The following RANBP2 variants were observed in gnomAD, a reference collection of about 807,000 sequenced individuals.
The protein encoded by RANBP2 is RAN binding protein 2.
In RANBP2, 57 loss-of-function variants were observed where a neutral mutation model predicts 303.6. The observed-to-expected ratio is 0.19, with a 90% CI of 0.15 to 0.23. RANBP2 has a LOEUF of 0.23. Among genes scored for constraint, RANBP2 ranks in the 10% least tolerant of loss-of-function variants. The probability of loss-of-function intolerance (pLI) is 1.00; values close to 1 mark genes in which losing one functional copy is unlikely to be tolerated. For missense variants in RANBP2, 3,138 were observed against 3,780.8 expected (o/e 0.83, Z 4.46); for synonymous variants, 1,167 against 1,301.5 (o/e 0.90, Z 2.23).
At chr2:109,585,093 A>C in the RANBP2 span, 7 of 1,411,312 alleles carry the variant, frequency 5.0e-6, no homozygotes, top group Non-Finnish European at 6.7e-6. Flanking sequence ...GAAATAAGAA[A>C]AACTTGTTTT....
At chr2:109,245,177 T>G in the RANBP2 span, among the ~76,000 whole-genome samples, 1 of 152,178 alleles carries the variant, frequency 6.6e-6, no homozygotes, top group Non-Finnish European at 1.5e-5. Context: ...GTTCTTGCCA[T>G]GTGGCTTCTG....
chr2:109,426,727 G>A, the RANBP2 span, among the ~76,000 whole-genome samples: 1 of 152,156 alleles, frequency 6.6e-6, no homozygotes, highest in Non-Finnish European at 1.5e-5. Flanking sequence ...TCTACTGTGG[G>A]TAAAATGCTG....
At chr2:109,452,945 C>A in the RANBP2 span, among the ~76,000 whole-genome samples, 1 of 149,040 alleles carries the variant, frequency 6.7e-6, no homozygotes, top group Non-Finnish European at 1.5e-5. Flanking sequence ...AGGCTGGTGC[C>A]GGGAGGCTGG....
chr2:109,615,807 C>G, the RANBP2 span: 1 of 1,614,062 alleles, frequency 6.2e-7, no homozygotes, highest in Admixed American at 1.7e-5. Flanking sequence ...GGACCATCAC[C>G]ACCATCACCA....
the RANBP2 span, among the ~76,000 whole-genome samples, chr2:108,849,352 A>G: frequency 6.6e-6 from 1 of 152,204 alleles, no homozygotes; most frequent in South Asian, 2.1e-4. Flanking sequence ...CACAAATCCA[A>G]GGAGCATGTC....
At chr2:109,652,664 A>G in the RANBP2 span, among the ~76,000 whole-genome samples, 1 of 152,274 alleles carries the variant, frequency 6.6e-6, no homozygotes, top group Non-Finnish European at 1.5e-5. Flanking sequence ...CACCCAGTTC[A>G]TGGAGGCAAC....
chr2:109,412,502 G>A, the RANBP2 span, among the ~76,000 whole-genome samples: 1 of 152,210 alleles, frequency 6.6e-6, no homozygotes, highest in South Asian at 2.1e-4. Context: ...ATCATCTTAG[G>A]TTCCCACTCT....
the RANBP2 span, among the ~76,000 whole-genome samples, chr2:108,921,263 T>C: frequency 6.6e-6 from 1 of 152,124 alleles, no homozygotes; most frequent in African/African-American, 2.4e-5. Flanking sequence ...GACACTGACC[T>C]GGGCTCACTC....
the RANBP2 span, among the ~76,000 whole-genome samples, chr2:108,819,572 C>T: frequency 2.2e-4 from 33 of 152,120 alleles, 1 homozygote; most frequent in Admixed American, 7.2e-4. Flanking sequence ...GAGGAAACAG[C>T]GATAAGTTGC....
At chr2:109,242,739 C>A in the RANBP2 span, among the ~76,000 whole-genome samples, 1 of 152,208 alleles carries the variant, frequency 6.6e-6, no homozygotes, top group Non-Finnish European at 1.5e-5. Flanking sequence ...GAGTCCACAG[C>A]TGGGCCTTGA....
chr2:109,183,404 G>A, the RANBP2 span, among the ~76,000 whole-genome samples: 1 of 152,178 alleles, frequency 6.6e-6, no homozygotes, highest in Admixed American at 6.5e-5. Context: ...GGTGATTTTG[G>A]AAACAAAGCT....
the RANBP2 span, among the ~76,000 whole-genome samples, chr2:109,534,799 G>GTTTTT: frequency 2.1e-5 from 3 of 143,856 alleles, no homozygotes; most frequent in Admixed American, 7.0e-5. Flanking sequence ...GGGAGTGAAA[G>GTTTTT]TTGTTTTGTT....
intron 19 of RANBP2, among the ~76,000 whole-genome samples, chr2:108,762,798 C>CCACCATCAT (rs1676821843): frequency 6.6e-6 from 1 of 151,182 alleles, no homozygotes; most frequent in Non-Finnish European, 1.5e-5. Flanking sequence ...ATAAATGTTA[C>CCACCATCAT]CATCATCATC....
chr2:109,483,077 A>G, the RANBP2 span, among the ~76,000 whole-genome samples: 10 of 152,298 alleles, frequency 6.6e-5, no homozygotes, highest in African/African-American at 2.4e-4. Flanking sequence ...AATGCGTTGC[A>G]TATTTATATT....
chr2:108,957,374 A>T, the RANBP2 span, among the ~76,000 whole-genome samples: 2 of 152,230 alleles, frequency 1.3e-5, no homozygotes, highest in African/African-American at 4.8e-5. Flanking sequence ...TGGTTTAGGA[A>T]GTCGGGGGCA....
the RANBP2 span, among the ~76,000 whole-genome samples, chr2:108,954,286 A>T: frequency 6.6e-6 from 1 of 152,206 alleles, no homozygotes; most frequent in Non-Finnish European, 1.5e-5. Context: ...ATAGCTATAC[A>T]TCAAGACCTA....
At chr2:109,648,382 A>G in the RANBP2 span, among the ~76,000 whole-genome samples, 110,034 of 151,988 alleles carry the variant, frequency 0.72, 40,589 homozygotes, top group East Asian at 0.94. Flanking sequence ...AGGCAGTTTC[A>G]CTCTTGTTGC....
chr2:108,870,229 T>C, the RANBP2 span, among the ~76,000 whole-genome samples: 1 of 152,192 alleles, frequency 6.6e-6, no homozygotes, highest in Admixed American at 6.5e-5. Context: ...AAAAATTTAC[T>C]AGAAGAGTTC....
At chr2:109,037,375 A>G in the RANBP2 span, among the ~76,000 whole-genome samples, 1 of 151,966 alleles carries the variant, frequency 6.6e-6, no homozygotes, top group Admixed American at 6.6e-5. Context: ...GAAAGATGGA[A>G]TGCTTTCTCC....
Sources: allele counts gnomAD v4.1 joint callset (sites outside exome capture counted in the v4.1 genomes callset), GRCh38; gene constraint gnomAD v4.1.1; transcripts MANE v1.5; gene names NCBI Gene and HGNC (gene_info 2026-07-23, HGNC 2026-07-21).